The following RAD21 variants were observed in gnomAD, a reference collection of about 807,000 sequenced individuals.
RAD21 encodes the protein double-strand-break repair protein rad21 homolog.
In RAD21, 18 loss-of-function variants were observed where a neutral mutation model predicts 71.5. The ratio of observed to expected loss-of-function variants is 0.25; its 90% CI spans 0.17 to 0.37. The LOEUF (loss-of-function observed/expected upper bound fraction) is 0.37, where lower values mean the gene tolerates loss of function less well. Ranked by LOEUF, RAD21 falls within the 10% of genes least tolerant of loss-of-function variation. RAD21 has a pLI of 1.00. For missense variants in RAD21, 493 were observed against 769.1 expected, an observed-to-expected ratio of 0.64 and a Z score of 4.25; for synonymous variants, 248 against 254.0, an observed-to-expected ratio of 0.98 and a Z score of 0.22.
Position 116,850,702 on chromosome 8 carries a change from G to A in RAD21, c.1536C>T (p.Ile512=), listed in dbSNP as rs1812331989. The change falls in exon 12 of 14, where the codon ATC becomes ATT. Residue 512 remains isoleucine, a synonymous_variant. Coordinates refer to ENST00000297338, the MANE Select transcript of RAD21 (RefSeq NM_006265.3). ...VELPPEEPPN[I]CQLIPELELL... ...GTTCTAACTCTGGTATTAGCTGACA[G>A]ATATTTGGAGGTTCTTCTGGGGGAA... 1 of 1,613,416 alleles carries A rather than the reference G, an allele frequency of 6.2e-7. No individual in the cohort carries two copies. The highest frequency in any genetic ancestry group is 8.5e-7 in the Non-Finnish European group (1 of 1,179,616).
In RAD21 at chr8:116,863,798, C is replaced by T. The variant is rs552080685; in HGVS notation, c.145-539G>A. 1.2e-4 allele frequency among the ~76,000 whole-genome samples: 18 copies of T among 152,176 alleles called. No individual in the cohort carries two copies. In the East Asian group the frequency reaches 3.5e-3, roughly 29 times the overall value. ...TTGCTTGGTGCTTCATGCAGTCACC[C>T]TGTAAACCACAATGCTAAAGTATGA... On this transcript the variant is annotated intron_variant, in intron 2 of 13. Transcript: ENST00000297338.
chr8:116,858,710 T>C (rs1035457511), intron 4 of RAD21, among the ~76,000 whole-genome samples: 5 of 152,162 alleles, frequency 3.3e-5, no homozygotes, highest in African/African-American at 9.6e-5. Context: ...AGTCACTAAA[T>C]CAAGTACAGA....
At chr8:116,868,699 C>G (rs1022136508) in intron 1 of RAD21, among the ~76,000 whole-genome samples, 3 of 151,782 alleles carry the variant, frequency 2.0e-5, no homozygotes, top group African/African-American at 4.8e-5. Context: ...TATTTGATTT[C>G]AAGACTTACT....
chr8:116,865,125 ATGG>A (rs1201812911), intron 2 of RAD21, among the ~76,000 whole-genome samples: 1 of 152,166 alleles, frequency 6.6e-6, no homozygotes, highest in Non-Finnish European at 1.5e-5. Flanking sequence ...TCAGTTAGAA[ATGG>A]TTTAAAAAAT....
At chr8:116,868,489 T>C (rs16889071) in intron 1 of RAD21, among the ~76,000 whole-genome samples, 2,650 of 152,312 alleles carry the variant, frequency 0.017, 38 homozygotes, top group Middle Eastern at 0.051. Context: ...ACATTAAGTT[T>C]TCATTTCTCT....
At position 116,850,446 on chromosome 8, in the gene RAD21, G is replaced by C. The variant is rs80117281; in HGVS notation, c.1620+172C>G. Reference sequence around the variant, plus strand: ...TGAGTTACAGCGAAGCATAAAATTTGATGTTCCTAATGATGATCAATACCA... The same window carrying C: ...TGAGTTACAGCGAAGCATAAAATTTCATGTTCCTAATGATGATCAATACCA... On this transcript the variant is annotated intron_variant, in intron 12 of 13. Transcript: ENST00000297338. Among the ~76,000 whole-genome samples the C allele has an allele frequency of 7.1e-4, 108 of 152,300 alleles. 1 individual carries two copies. In the East Asian group the frequency reaches 0.018, roughly 25 times the overall value.
rs1812271660 is a variant in RAD21 at position 116,847,531 on chromosome 8, G to C, written c.1865C>G (p.Ala622Gly). The change falls in exon 14 of 14, where the codon GCA becomes GGA. Residue 622 changes from alanine (A) to glycine (G), a missense_variant. Physicochemically the swap from Ala to Gly is moderately conservative, Grantham distance 60. Transcript: ENST00000297338. ...AATATGGAACCTTGGTCCAGGTGTT[G>C]CGATGATGTCACTGTACGGTTCTTC... ...TQEEPYSDII[A>G]TPGPRFHII The C allele has an allele frequency of 6.2e-7, 1 of 1,613,074 alleles. No homozygotes were observed. The highest frequency in any genetic ancestry group is 8.5e-7 in the Non-Finnish European group (1 of 1,179,616).
chr8:116,868,671 TAGTG>T (rs1812747488), intron 1 of RAD21, among the ~76,000 whole-genome samples: 2 of 152,022 alleles, frequency 1.3e-5, no homozygotes, highest in Non-Finnish European at 1.5e-5. Flanking sequence ...TTTTGAAAAA[TAGTG>T]AGAAAAATTA....
intron 11 of RAD21, 83 bp downstream of exon 11, chr8:116,851,865 T>C (rs1198873899): frequency 7.0e-7 from 1 of 1,434,692 alleles, no homozygotes; most frequent in African/African-American, 1.4e-5. Flanking sequence ...ACCAAGATAC[T>C]TTAAAAGGCC....
intron 13 of RAD21, 81 bp downstream of exon 13, chr8:116,848,865 G>T: frequency 9.1e-7 from 1 of 1,100,416 alleles, no homozygotes; most frequent in Non-Finnish European, 1.3e-6. Context: ...TCTGTTTCCA[G>T]CATCTAACTT....
chr8:116,874,697 T>G lies in RAD21; in HGVS notation c.-119A>C, dbSNP rs1162793954. ...AGGGGGTGGGGAAAGGGGGGAGCCC[T>G]TGCGAGGTGTAGCTTCCGAGCAGCT... On this transcript the variant is annotated 5_prime_UTR_variant, in exon 1 of 14. Coordinates refer to ENST00000297338, the MANE Select transcript of RAD21 (RefSeq NM_006265.3). The G allele has an allele frequency of 2.3e-6, 1 of 430,640 alleles. No homozygotes were observed. Among genetic ancestry groups the G allele is most frequent in the Non-Finnish European group, 4.7e-6 (1 of 214,590 alleles). The allele number at this position is 430,640 out of a possible 1,614,324, so 26.7% of individuals were successfully genotyped here.
chr8:116,861,578 G>A (rs1812595331), intron 4 of RAD21, among the ~76,000 whole-genome samples: 1 of 151,604 alleles, frequency 6.6e-6, no homozygotes, highest in Non-Finnish European at 1.5e-5. Flanking sequence ...AAGCGTATCT[G>A]TTTCAGTTTA....
rs1563687904 is a variant in RAD21, at chr8:116,850,693, T to C, written c.1545A>G (p.Leu515=). 6 of 1,613,536 alleles carry C rather than the reference T, an allele frequency of 3.7e-6. No homozygotes were observed. The highest frequency in any genetic ancestry group is 5.1e-6 in the Non-Finnish European group (6 of 1,179,534). The change falls in exon 12 of 14, where the codon CTA becomes CTG. Residue 515 remains leucine, a synonymous_variant. Coordinates refer to ENST00000297338, the MANE Select transcript of RAD21 (RefSeq NM_006265.3). ...PPEEPPNICQ[L]IPELELLPEK... ...CTGGCAGAAGTTCTAACTCTGGTAT[T>C]AGCTGACAGATATTTGGAGGTTCTT...
intron 1 of RAD21, 21 bp downstream of exon 1, chr8:116,874,590 G>A (rs1812931228): frequency 6.0e-6 from 2 of 332,020 alleles, no homozygotes; most frequent in Non-Finnish European, 1.2e-5. Context: ...AGGAAAAGAA[G>A]GGGTCGGCCG....
chr8:116,849,084 G>T, intron 12 of RAD21, 55 bp from the exon 13 acceptor site: 1 of 1,329,880 alleles, frequency 7.5e-7, no homozygotes. Context: ...GAAAAATGAA[G>T]TATTTCTACA....
At chr8:116,867,855 G>C (rs963397918) in intron 1 of RAD21, among the ~76,000 whole-genome samples, 3 of 151,932 alleles carry the variant, frequency 2.0e-5, no homozygotes, top group African/African-American at 7.3e-5. Flanking sequence ...TCAAAACCAG[G>C]GCACTGACAT....
intron 2 of RAD21, among the ~76,000 whole-genome samples, chr8:116,866,007 T>C (rs1452462026): frequency 6.6e-6 from 1 of 152,184 alleles, no homozygotes; most frequent in African/African-American, 2.4e-5. Flanking sequence ...TTTATTAGTT[T>C]GTACAAATGT....
At chr8:116,865,537 A>C (rs946221115) in intron 2 of RAD21, among the ~76,000 whole-genome samples, 1 of 152,326 alleles carries the variant, frequency 6.6e-6, no homozygotes, top group Non-Finnish European at 1.5e-5. Context: ...CACAAATCTC[A>C]AAAACATGTC....
At chr8:116,872,804 G>A (rs1021866120) in intron 1 of RAD21, among the ~76,000 whole-genome samples, 9 of 152,136 alleles carry the variant, frequency 5.9e-5, no homozygotes, top group African/African-American at 1.7e-4. Context: ...GGGGAGTAGG[G>A]GGAAGGATCT....
Sources: allele counts gnomAD v4.1 joint callset (sites outside exome capture counted in the v4.1 genomes callset), GRCh38; gene constraint gnomAD v4.1.1; transcripts MANE v1.5; gene names NCBI Gene and HGNC (gene_info 2026-07-23, HGNC 2026-07-21).